Variants in LARGE1 observed in about 807,000 individuals in gnomAD.
LARGE1 encodes the protein xylosyl- and glucuronyltransferase LARGE1.
LARGE1 carries 43 observed loss-of-function variants against 87.6 expected under a neutral mutation model. The observed-to-expected ratio is 0.49, with a 90% CI of 0.38 to 0.63. The LOEUF (loss-of-function observed/expected upper bound fraction) is 0.63. Ranked by LOEUF, LARGE1 falls within the 30% of genes least tolerant of loss-of-function variation. The pLI is 0.00. For synonymous variants in LARGE1, 434 were observed against 394.6 expected (o/e 1.10, Z -1.18); for missense variants, 802 against 1,000.2 (o/e 0.80, Z 2.67).
intron 1 of LARGE1, among the ~76,000 whole-genome samples, chr22:33,913,845 A>G (rs1196700414): frequency 6.6e-6 from 1 of 151,990 alleles, no homozygotes; most frequent in Non-Finnish European, 1.5e-5. Context: ...ACTGTGCCCA[A>G]CCGAAAAGTC....
intron 1 of LARGE1, among the ~76,000 whole-genome samples, chr22:33,825,724 G>T (rs1227457635): frequency 1.3e-5 from 2 of 152,120 alleles, no homozygotes; most frequent in African/African-American, 2.4e-5. Flanking sequence ...GTGAGATTTG[G>T]GTGGGGCCAC....
At chr22:33,730,231 C>T (rs1478144551) in intron 2 of LARGE1, among the ~76,000 whole-genome samples, 1 of 152,054 alleles carries the variant, frequency 6.6e-6, no homozygotes, top group African/African-American at 2.4e-5. Flanking sequence ...ATATATTTTC[C>T]TTTTGATGTT....
intron 7 of LARGE1, among the ~76,000 whole-genome samples, chr22:33,398,218 G>GAA (rs67475224): frequency 7.0e-6 from 1 of 143,130 alleles, no homozygotes; most frequent in Non-Finnish European, 1.5e-5. Flanking sequence ...TATTAAGCTA[G>GAA]AAAAAAAAAA....
At chr22:33,889,623 G>T (rs2064952157) in intron 1 of LARGE1, among the ~76,000 whole-genome samples, 1 of 152,118 alleles carries the variant, frequency 6.6e-6, no homozygotes. Flanking sequence ...GCAGGCTCTG[G>T]GTCTGGTGTT....
chr22:33,917,200 T>C (rs574134734), intron 1 of LARGE1, among the ~76,000 whole-genome samples: 2 of 152,358 alleles, frequency 1.3e-5, no homozygotes, highest in East Asian at 3.9e-4. Flanking sequence ...CCTGTTTTTG[T>C]GACAGTATTC....
chr22:33,721,669 T>C (rs1162640547), intron 2 of LARGE1, among the ~76,000 whole-genome samples: 2 of 152,148 alleles, frequency 1.3e-5, no homozygotes, highest in African/African-American at 4.8e-5. Flanking sequence ...ACACAGTAAA[T>C]GCATGTGCGG....
At chr22:33,205,159 C>A (rs1466140862) in intron 11 of LARGE1, among the ~76,000 whole-genome samples, 1 of 152,130 alleles carries the variant, frequency 6.6e-6, no homozygotes, top group Admixed American at 6.6e-5. Context: ...CAGATGCTAC[C>A]CCCTTCAAGC....
intron 1 of LARGE1, among the ~76,000 whole-genome samples, chr22:33,844,161 C>T (rs887757163): frequency 6.6e-6 from 1 of 152,044 alleles, no homozygotes; most frequent in Non-Finnish European, 1.5e-5. Flanking sequence ...CCACAGTGTC[C>T]CTAACCCTGA....
chr22:33,637,487 C>T (rs115780412), intron 3 of LARGE1, among the ~76,000 whole-genome samples: 2,067 of 152,210 alleles, frequency 0.014, 42 homozygotes, highest in African/African-American at 0.047. Context: ...GTTTTCATGC[C>T]GTGTAGCCTC....
chr22:33,233,599 G>A (rs574985463), intron 11 of LARGE1, among the ~76,000 whole-genome samples: 91 of 152,214 alleles, frequency 6.0e-4, no homozygotes, highest in African/African-American at 2.1e-3. Flanking sequence ...TTGGGCAGAT[G>A]AGAAAAGAGT....
the LARGE1 span, among the ~76,000 whole-genome samples, chr22:33,153,035 A>G: frequency 2.0e-5 from 3 of 152,224 alleles, no homozygotes; most frequent in South Asian, 6.2e-4. Context: ...CTGTTCAAAT[A>G]TTTCAATTTC....
chr22:33,760,120 G>A (rs566146905), intron 2 of LARGE1, among the ~76,000 whole-genome samples: 18 of 152,282 alleles, frequency 1.2e-4, no homozygotes, highest in Admixed American at 4.6e-4. Context: ...TAAAGGAAAC[G>A]TTTAAAAACA....
At chr22:33,408,430 G>A (rs1481668041) in intron 7 of LARGE1, among the ~76,000 whole-genome samples, 1 of 152,202 alleles carries the variant, frequency 6.6e-6, no homozygotes, top group African/African-American at 2.4e-5. Flanking sequence ...TTTGTGTAAG[G>A]TCGTGAGGTG....
intron 6 of LARGE1, among the ~76,000 whole-genome samples, chr22:33,544,207 G>A (rs1451068338): frequency 6.6e-6 from 1 of 152,152 alleles, no homozygotes; most frequent in Admixed American, 6.5e-5. Flanking sequence ...TTTTTCCTTT[G>A]TGGATTCTGC....
At chr22:33,290,074 G>C (rs1932257152) in intron 12 of LARGE1, among the ~76,000 whole-genome samples, 1 of 152,156 alleles carries the variant, frequency 6.6e-6, no homozygotes, top group East Asian at 1.9e-4. Flanking sequence ...GTATTAGCTG[G>C]ATGGGTTTCC....
intron 6 of LARGE1, among the ~76,000 whole-genome samples, chr22:33,477,626 G>A (rs937564403): frequency 1.3e-5 from 2 of 152,002 alleles, no homozygotes; most frequent in African/African-American, 2.4e-5. Context: ...CCCCACGTTC[G>A]CCACAAAATG....
At chr22:33,884,333 A>G (rs1324066848) in intron 1 of LARGE1, among the ~76,000 whole-genome samples, 1 of 152,114 alleles carries the variant, frequency 6.6e-6, no homozygotes, top group East Asian at 1.9e-4. Flanking sequence ...CTGTACGTTG[A>G]CCCTCTTTCC....
intron 7 of LARGE1, among the ~76,000 whole-genome samples, chr22:33,423,080 G>A (rs891815765): frequency 8.0e-5 from 12 of 150,662 alleles, no homozygotes; most frequent in Admixed American, 2.6e-4. Context: ...GGTACTTCCT[G>A]TTATCTGATA....
At chr22:33,432,906 A>C (rs2147731806) in intron 6 of LARGE1, among the ~76,000 whole-genome samples, 1 of 152,280 alleles carries the variant, frequency 6.6e-6, no homozygotes, top group South Asian at 2.1e-4. Context: ...ATATCAATAC[A>C]AGAGTGTTGT....
Sources: gnomAD v4.1 joint callset for allele counts (sites outside exome capture counted in the v4.1 genomes callset) on GRCh38, gnomAD v4.1.1 for gene constraint, MANE v1.5 for transcripts, NCBI Gene and HGNC (gene_info 2026-07-23, HGNC 2026-07-21) for gene names.